WWOX: variants seen among roughly 807,000 people sequenced by gnomAD.
WWOX encodes the protein WW domain-containing oxidoreductase.
In WWOX, 69 loss-of-function variants were observed where a neutral mutation model predicts 46.2. That is an observed-to-expected ratio of 1.49 (90% CI 1.23 to 1.82). The LOEUF is 1.82. Among genes scored for constraint, WWOX ranks in the 40% most tolerant of loss-of-function variants. The pLI, the probability that WWOX is intolerant of heterozygous loss-of-function variation, is 0.00. For missense variants in WWOX, 919 were observed against 542.6 expected (o/e 1.69, Z -6.89); for synonymous variants, 359 against 202.6 (o/e 1.77, Z -6.56).
chr16:78,824,632 G>T (rs574595400), intron 8 of WWOX, among the ~76,000 whole-genome samples: 2 of 152,098 alleles, frequency 1.3e-5, no homozygotes, highest in Non-Finnish European at 2.9e-5. Flanking sequence ...CTTCTTACAC[G>T]GCAGCGGCAA....
At chr16:79,130,446 T>A (rs1240092181) in intron 8 of WWOX, among the ~76,000 whole-genome samples, 2 of 152,118 alleles carry the variant, frequency 1.3e-5, no homozygotes, top group Non-Finnish European at 2.9e-5. Context: ...TAGGGTCAGT[T>A]CTACGTAAAA....
At chr16:78,232,633 G>A (rs1296373944) in intron 5 of WWOX, among the ~76,000 whole-genome samples, 1 of 152,062 alleles carries the variant, frequency 6.6e-6, no homozygotes, top group Non-Finnish European at 1.5e-5. Flanking sequence ...TATCTCCAGG[G>A]GCTGAATATA....
intron 8 of WWOX, chr16:79,204,959 C>T (rs922834767): frequency 1.3e-5 from 2 of 152,176 alleles, no homozygotes; most frequent in Non-Finnish European, 2.9e-5. Flanking sequence ...TCTTAGTGCT[C>T]TTGCAAGAAA....
intron 8 of WWOX, among the ~76,000 whole-genome samples, chr16:78,537,728 G>A (rs540331717): frequency 1.3e-5 from 2 of 152,110 alleles, no homozygotes; most frequent in Non-Finnish European, 2.9e-5. Flanking sequence ...GTAGACCAGT[G>A]CTTCCTTTTG....
intron 8 of WWOX, among the ~76,000 whole-genome samples, chr16:79,027,690 C>G (rs577550737): frequency 1.1e-4 from 17 of 151,974 alleles, no homozygotes; most frequent in South Asian, 2.1e-4. Flanking sequence ...AGATACTTAT[C>G]TCCTCCTTAC....
At chr16:78,137,550 A>G (rs1331553712) in intron 4 of WWOX, among the ~76,000 whole-genome samples, 2 of 152,230 alleles carry the variant, frequency 1.3e-5, no homozygotes, top group Admixed American at 6.5e-5. Flanking sequence ...CTTCTTATGG[A>G]TGACTTCATA....
At chr16:78,349,005 G>A (rs72794051) in intron 5 of WWOX, among the ~76,000 whole-genome samples, 11,743 of 119,492 alleles carry the variant, frequency 0.098, 3,844 homozygotes, top group Middle Eastern at 0.18. Context: ...TGCTCAGGCT[G>A]CCATAACAAA....
intron 5 of WWOX, among the ~76,000 whole-genome samples, chr16:78,322,893 A>G (rs1446215061): frequency 1.3e-5 from 2 of 152,230 alleles, no homozygotes; most frequent in Non-Finnish European, 2.9e-5. Context: ...TATGATTTTC[A>G]TGATCACAAC....
At chr16:78,869,913 A>G (rs1365180771) in intron 8 of WWOX, among the ~76,000 whole-genome samples, 1 of 152,192 alleles carries the variant, frequency 6.6e-6, no homozygotes, top group Non-Finnish European at 1.5e-5. Context: ...TTTGGAGAAC[A>G]TGGGATTTAT....
chr16:78,709,222 C>G, intron 8 of WWOX, among the ~76,000 whole-genome samples: 1 of 152,290 alleles, frequency 6.6e-6, no homozygotes, highest in East Asian at 1.9e-4. Context: ...GCCCCCAGCC[C>G]TCCTGTTAAC....
At chr16:79,177,180 T>C (rs954732667) in intron 8 of WWOX, among the ~76,000 whole-genome samples, 1 of 152,240 alleles carries the variant, frequency 6.6e-6, no homozygotes, top group African/African-American at 2.4e-5. Context: ...GAAGTTCACA[T>C]TGAAGTGTGA....
intron 8 of WWOX, among the ~76,000 whole-genome samples, chr16:78,782,870 C>T (rs1417828102): frequency 2.0e-5 from 3 of 152,090 alleles, no homozygotes; most frequent in Non-Finnish European, 2.9e-5. Context: ...ATACAATGAT[C>T]CAAAAATGTC....
intron 8 of WWOX, among the ~76,000 whole-genome samples, chr16:78,857,934 C>A (rs1278944183): frequency 1.3e-5 from 2 of 152,074 alleles, no homozygotes; most frequent in African/African-American, 4.8e-5. Context: ...ATGAATGTGC[C>A]AGGACACCCA....
At chr16:78,153,753 TG>T (rs747113020) in intron 4 of WWOX, among the ~76,000 whole-genome samples, 7 of 152,196 alleles carry the variant, frequency 4.6e-5, no homozygotes, top group Admixed American at 1.3e-4. Flanking sequence ...CCAACTCCTT[TG>T]GGCGTCTTAA....
intron 8 of WWOX, among the ~76,000 whole-genome samples, chr16:78,804,170 G>C (rs1264437719): frequency 6.6e-6 from 1 of 152,062 alleles, no homozygotes; most frequent in Non-Finnish European, 1.5e-5. Flanking sequence ...AATAAGGGCT[G>C]GGGGTCCTCT....
intron 8 of WWOX, among the ~76,000 whole-genome samples, chr16:78,635,900 G>C (rs1338227249): frequency 6.6e-6 from 1 of 152,184 alleles, no homozygotes; most frequent in Non-Finnish European, 1.5e-5. Flanking sequence ...CCAGGACACA[G>C]AGAAAAGTGC....
At position 78,432,585 on chromosome 16, in the gene WWOX, A is replaced by T; in HGVS notation, c.889A>T (p.Lys297Ter). 6.2e-7 allele frequency: 1 copy of T among 1,614,216 alleles called. No homozygotes were observed. The highest frequency in any genetic ancestry group is 8.5e-7 in the Non-Finnish European group (1 of 1,180,040). ...GGCGATGCTGGCTTATAACAGGTCC[A>T]AGCTCTGCAACATCCTCTTCTCCAA... The part of the protein sequence containing the change: ...YWAMLAYNRS[K>*]LCNILFSNEL... The change falls in exon 8 of 9, where the codon AAG becomes TAG. Residue 297 changes from lysine (K) to a stop codon, truncating the protein, a stop_gained. Transcript: ENST00000566780. LOFTEE classifies it high-confidence loss of function.
intron 8 of WWOX, among the ~76,000 whole-genome samples, chr16:78,807,116 G>T (rs549162255): frequency 1.3e-5 from 2 of 152,332 alleles, no homozygotes; most frequent in East Asian, 3.9e-4. Context: ...TAAGTCTTTG[G>T]TGGGTCCATG....
At chr16:79,136,541 C>G (rs9932431) in intron 8 of WWOX, among the ~76,000 whole-genome samples, 1 of 152,108 alleles carries the variant, frequency 6.6e-6, no homozygotes, top group Non-Finnish European at 1.5e-5. Context: ...GATGTCACTT[C>G]TTAGGCTAAT....
Sources: allele counts gnomAD v4.1 joint callset (sites outside exome capture counted in the v4.1 genomes callset), GRCh38; gene constraint gnomAD v4.1.1; transcripts MANE v1.5; gene names NCBI Gene and HGNC (gene_info 2026-07-23, HGNC 2026-07-21).